Variants in SLC38A10 observed in about 807,000 individuals in gnomAD.
SLC38A10 encodes Sodium-coupled neutral amino acid transporter 10.
In SLC38A10, 53 loss-of-function variants were observed where a neutral mutation model predicts 81.0. The ratio of observed to expected loss-of-function variants is 0.65; its 90% CI spans 0.53 to 0.82. The LOEUF is 0.82. Among genes scored for constraint, SLC38A10 ranks in the 40% least tolerant of loss-of-function variants. The probability of loss-of-function intolerance (pLI) is 0.00; values close to 1 mark genes in which losing one functional copy is unlikely to be tolerated. For synonymous variants in SLC38A10, 665 were observed against 655.3 expected, an observed-to-expected ratio of 1.01 and a Z score of -0.23; for missense variants, 1,471 against 1,545.0, an observed-to-expected ratio of 0.95 and a Z score of 0.80.
At position 81,277,100 on chromosome 17, in the gene SLC38A10, C is replaced by A. The variant is rs560014179; in HGVS notation, c.660G>T (p.Glu220Asp). 6.2e-7 allele frequency: 1 copy of A among 1,614,020 alleles called. No homozygotes were observed. The highest frequency in any genetic ancestry group is 1.3e-5 in the African/African-American group (1 of 75,052). ...QVLPTYDSLD[E>D]PSVKTMSSIF... ...TGGAGCTCATGGTTTTCACTGACGG[C>A]TCATCCAGGCTGTCGTAGGTGGGCA... The change falls in exon 7 of 16, where the codon GAG (glutamate) becomes GAT (aspartate). Residue 220 changes from glutamate to aspartate, a missense_variant. Transcript: ENST00000374759. The surrounding 1 kb of genome is among the most constrained non-coding windows in gnomAD (Gnocchi z 4.5).
chr17:81,249,464 AG>A (rs1429763652), intron 14 of SLC38A10, among the ~76,000 whole-genome samples: 128 of 2,438 alleles, frequency 0.053, 20 homozygotes, highest in Non-Finnish European at 0.063. Flanking sequence ...AAGAGGAGGG[AG>A]GAGGGAAGAG....
Position 81,271,026 on chromosome 17 carries a change from T to C in SLC38A10, c.1025-2A>G, listed in dbSNP as rs751237611. ...CTGTGAGGCCCAGGATGGTCTCCAC[T>C]AGGATGGAGAAGTGACAGGAAGGGA... is the stretch of plus-strand genomic sequence containing the variant. On this transcript the variant is annotated splice_acceptor_variant, in intron 9 of 15. Coordinates refer to ENST00000374759, the MANE Select transcript of SLC38A10 (RefSeq NM_001037984.3). LOFTEE classifies it high-confidence loss of function. 7.5e-6 allele frequency: 12 copies of C among 1,607,972 alleles called. No homozygotes were observed. Among genetic ancestry groups the C allele is most frequent in the Non-Finnish European group, 1.0e-5 (12 of 1,176,760 alleles).
Position 81,253,055 on chromosome 17 carries a change from C to A in SLC38A10, c.1456+18G>T. ...GGGCCGCCCTTCCCCATCCGCACCC[C>A]CAGCCAGTGCCCAGCACCTTGCCCA... On this transcript the variant is annotated intron_variant, in intron 12 of 15. Coordinates refer to ENST00000374759, the MANE Select transcript of SLC38A10 (RefSeq NM_001037984.3). This position sits in a 1 kb window ranked among gnomAD's most constrained non-coding sequence, Gnocchi z 4.1. The A allele has an allele frequency of 6.2e-7, 1 of 1,609,690 alleles. No homozygotes were observed. Among genetic ancestry groups the A allele is most frequent in the Non-Finnish European group, 8.5e-7 (1 of 1,178,844 alleles).
At position 81,272,565 on chromosome 17, in the gene SLC38A10, G is replaced by A. The variant is rs774222386; in HGVS notation, c.975C>T (p.Thr325=). ...CCATGGTTCCAAACACCACAGAGAG[G>A]GTAAGTGCTTTAAACCGGAGAGGGG... The part of the protein sequence containing the change: ...YMPPLRFKAL[T]LSVVFGTMVG... Residue 325 remains threonine (T), a synonymous_variant, in exon 9 of 16, where the codon ACC becomes ACT. Coordinates refer to ENST00000374759, the MANE Select transcript of SLC38A10 (RefSeq NM_001037984.3). 1.3e-6 allele frequency: 2 copies of A among 1,597,778 alleles called. No homozygotes were observed. The highest frequency in any genetic ancestry group is 1.7e-6 in the Non-Finnish European group (2 of 1,173,110).
At chr17:81,268,156 C>T (rs1027865596) in intron 10 of SLC38A10, among the ~76,000 whole-genome samples, 2 of 151,658 alleles carry the variant, frequency 1.3e-5, no homozygotes, top group African/African-American at 4.8e-5. Context: ...TGTCACTGCC[C>T]AGCTGAGACC....
intron 2 of SLC38A10, among the ~76,000 whole-genome samples, chr17:81,287,085 C>G (rs934618513): frequency 6.6e-6 from 1 of 152,178 alleles, no homozygotes; most frequent in Non-Finnish European, 1.5e-5. Flanking sequence ...GTGACGAAAA[C>G]GACAAAAACC....
intron 11 of SLC38A10, among the ~76,000 whole-genome samples, chr17:81,258,514 G>A (rs991073130): frequency 1.3e-5 from 2 of 152,102 alleles, no homozygotes; most frequent in East Asian, 3.9e-4. Flanking sequence ...CAGAGGCGGC[G>A]CAGTGCTAAG....
At chr17:81,257,784 A>G (rs966692894) in intron 11 of SLC38A10, among the ~76,000 whole-genome samples, 2 of 152,234 alleles carry the variant, frequency 1.3e-5, no homozygotes, top group African/African-American at 4.8e-5. Flanking sequence ...ACGGAGCGGA[A>G]GTGCAGCTGT....
At position 81,288,824 on chromosome 17, in the gene SLC38A10, C is replaced by A. The variant is rs927746231; in HGVS notation, c.217+867G>T. On this transcript the variant is annotated intron_variant, in intron 2 of 15. Transcript: ENST00000374759. The surrounding 1 kb of genome is among the most constrained non-coding windows in gnomAD (Gnocchi z 5.4). ...GAGTTGGGGAGAACAGCAAGGCTCT[C>A]TGCAGGCAGCTCCGCAGGAAGGCAT... The A allele has an allele frequency of 2.0e-5, 3 of 152,384 alleles. No homozygotes were observed. The highest frequency in any genetic ancestry group is 4.4e-5 in the Non-Finnish European group (3 of 68,152). 9.4% of individuals were successfully genotyped at this position (152,384 alleles called of 1,614,324 possible). A position where few individuals can be genotyped will look rare whatever the true frequency, so the allele number is the denominator to read the frequency against.
At position 81,276,773 on chromosome 17, in the gene SLC38A10, C is replaced by G. The variant is rs2063166251; in HGVS notation, c.729+258G>C. On this transcript the variant is annotated intron_variant, in intron 7 of 15. Coordinates refer to ENST00000374759, the MANE Select transcript of SLC38A10 (RefSeq NM_001037984.3). This position sits in a 1 kb window ranked among gnomAD's most constrained non-coding sequence, Gnocchi z 4.7. ...CTCGGATAAAGGGTTCTGGGAGCAG[C>G]CCTGGTGCCCAGCTCCTCAGGTCAG... 6.6e-6 allele frequency among the ~76,000 whole-genome samples: 1 copy of G among 152,230 alleles called. No individual in the cohort carries two copies. The highest frequency in any genetic ancestry group is 2.4e-5 in the African/African-American group (1 of 41,466).
At position 81,252,252 on chromosome 17, in the gene SLC38A10, G is replaced by A; in HGVS notation, c.1888C>T (p.Pro630Ser). Residue 630 changes from proline (P) to serine (S), a missense_variant, in exon 13 of 16, where the codon CCG becomes TCG. Around this residue, in one of 2 missense-constraint regions of SLC38A10, gnomAD observed 751 missense variants for 717.4 expected, o/e 1.05. Transcript: ENST00000374759. ...VGGGEKAKGG[P>S]PPGNAAGDTG... ...TCCCCGGCGGCGTTGCCTGGCGGCG[G>A]TCCCCCCTTGGCCTTTTCCCCTCCA... The A allele has an allele frequency of 6.4e-7, 1 of 1,560,912 alleles. No individual in the cohort carries two copies.
chr17:81,287,206 G>A (rs550251786), intron 2 of SLC38A10, among the ~76,000 whole-genome samples: 73 of 152,302 alleles, frequency 4.8e-4, no homozygotes, highest in African/African-American at 1.7e-3. Flanking sequence ...AGGGTAAAGC[G>A]ATCAGCGGCC....
Position 81,282,212 on chromosome 17 carries a change from A to G in SLC38A10, c.478T>C (p.Phe160Leu). Residue 160 changes from phenylalanine (F) to leucine (L), a missense_variant, in exon 5 of 16, where the codon TTC becomes CTC. By Grantham distance (22) the Phe-to-Leu change is conservative (BLOSUM62 0). Around this residue, in one of 2 missense-constraint regions of SLC38A10, gnomAD observed 720 missense variants for 827.7 expected, o/e 0.87. Transcript: ENST00000374759. ...IQSFSAMALL[F>L]YTVFMFVIVL... ...ACCACGAACATGAACACGGTGTAGA[A>G]GAGGAGGGCCATGGCGCTGAAGGAC... 1 of 1,613,602 alleles carries G rather than the reference A, an allele frequency of 6.2e-7. No homozygotes were observed. The highest frequency in any genetic ancestry group is 8.5e-7 in the Non-Finnish European group (1 of 1,179,966).
Position 81,249,330 on chromosome 17 carries a change from G to A in SLC38A10, c.2065+2163C>T, listed in dbSNP as rs2062884714. Reference sequence around the variant, plus strand: ...GGAGGAAGGAGGGAAGAGGAGGAAGGAGGGAAGAGGAGGAAGGAGGGAAGA... The same window carrying A: ...GGAGGAAGGAGGGAAGAGGAGGAAGAAGGGAAGAGGAGGAAGGAGGGAAGA... On this transcript the variant is annotated intron_variant, in intron 14 of 15. Transcript: ENST00000374759. Among the ~76,000 whole-genome samples, 3 of 28,716 alleles carry A rather than the reference G, an allele frequency of 1.0e-4. 1 individual carries two copies. The highest frequency in any genetic ancestry group is 1.3e-4 in the Non-Finnish European group (2 of 15,608). 18.8% of individuals were successfully genotyped at this position (28,716 alleles called of 152,430 possible).
In SLC38A10 at chr17:81,252,507, A is replaced by G. The variant is rs1416607505; in HGVS notation, c.1633T>C (p.Ser545Pro). 3 of 1,613,198 alleles carry G rather than the reference A, an allele frequency of 1.9e-6. No individual in the cohort carries two copies. Among genetic ancestry groups the G allele is most frequent in the African/African-American group, 2.7e-5 (2 of 74,892 alleles). ...QGQMAPPLPD[S>P]EREKQEPEQG... ...TCCGGCTCTTGTTTCTCTCTTTCTG[A>G]GTCGGGCAGAGGCGGCGCCATCTGG... Residue 545 changes from serine (S) to proline (P), a missense_variant, in exon 13 of 16, where the codon TCA (serine) becomes CCA (proline). Ser to Pro is a moderately conservative substitution (Grantham distance 74). Coordinates refer to ENST00000374759, the MANE Select transcript of SLC38A10 (RefSeq NM_001037984.3).
rs2063165234 is a variant in SLC38A10, at chr17:81,276,651, A to G, written c.729+380T>C. ...ATGATCTGCCCACCTCGGTCTCCCA[A>G]AGTGCTGGGATTACAGGTGTGAGCA... On this transcript the variant is annotated intron_variant, in intron 7 of 15. Coordinates refer to ENST00000374759, the MANE Select transcript of SLC38A10 (RefSeq NM_001037984.3). The surrounding 1 kb of genome is among the most constrained non-coding windows in gnomAD (Gnocchi z 4.7). 6.6e-6 allele frequency among the ~76,000 whole-genome samples: 1 copy of G among 152,062 alleles called. No individual in the cohort carries two copies. The highest frequency in any genetic ancestry group is 2.4e-5 in the African/African-American group (1 of 41,382).
rs779193035 is a variant in SLC38A10, at chr17:81,280,569, C to T, written c.626+40G>A. On this transcript the variant is annotated intron_variant, in intron 6 of 15. Coordinates refer to ENST00000374759, the MANE Select transcript of SLC38A10 (RefSeq NM_001037984.3). ...CCGTCTCCCAGCAGCTCGCCCTCCC[C>T]GTCACAGAACTCCACCACAGACCAC... is the stretch of plus-strand genomic sequence containing the variant. 9.3e-6 allele frequency: 15 copies of T among 1,606,312 alleles called. No homozygotes were observed. The South Asian group carries it at 1.0e-4, about 11-fold the overall frequency.
Position 81,246,486 on chromosome 17 carries a change from C to A in SLC38A10, c.2430G>T (p.Val810=), listed in dbSNP as rs2062852977. The part of the protein sequence containing the change: ...QRSLEHSEGP[V]GRDPAGPPDG... ...CAGGAGGGCCAGCAGGGTCTCTGCC[C>A]ACAGGCCCCTCAGAGTGCTCCAGGG... is the stretch of plus-strand genomic sequence containing the variant. The change falls in exon 16 of 16, where the codon GTG becomes GTT. Residue 810 remains valine, a synonymous_variant. Coordinates refer to ENST00000374759, the MANE Select transcript of SLC38A10 (RefSeq NM_001037984.3). 1.3e-6 allele frequency: 2 copies of A among 1,557,874 alleles called. No homozygotes were observed. Among genetic ancestry groups the A allele is most frequent in the Non-Finnish European group, 1.7e-6 (2 of 1,154,388 alleles).
At position 81,245,343 on chromosome 17, in the gene SLC38A10, T is replaced by C. The variant is rs2062838129; in HGVS notation, c.*213A>G. 1 of 601,790 alleles carries C rather than the reference T, an allele frequency of 1.7e-6. No individual in the cohort carries two copies. Among genetic ancestry groups the C allele is most frequent in the Non-Finnish European group, 2.7e-6 (1 of 363,866 alleles). The allele number at this position is 601,790 out of a possible 1,614,324, so 37.3% of individuals were successfully genotyped here. On this transcript the variant is annotated 3_prime_UTR_variant, in exon 16 of 16. Transcript: ENST00000374759. ...GTCTAGAGGTCAGAGGACCTCAGAC[T>C]AAGAGCTGCAACAGAACGACAGCAA...
Sources: gnomAD v4.1 joint callset for allele counts (sites outside exome capture counted in the v4.1 genomes callset) on GRCh38, gnomAD v4.1.1 for gene constraint, gnomAD v4.1.1 regional missense constraint, Gnocchi (gnomAD v3.1) non-coding constraint, MANE v1.5 for transcripts, NCBI Gene and HGNC (gene_info 2026-07-23, HGNC 2026-07-21) for gene names.